The following TIPIN variants were observed in gnomAD, a reference collection of about 807,000 sequenced individuals.
TIPIN encodes TIMELESS interacting protein.
TIPIN carries 29 observed loss-of-function variants against 35.6 expected under a neutral mutation model. The ratio of observed to expected loss-of-function variants is 0.82; its 90% confidence interval spans 0.61 to 1.11. The LOEUF (loss-of-function observed/expected upper bound fraction) is 1.11, where lower values mean the gene tolerates loss of function less well. Among genes scored for constraint, TIPIN ranks in the 50% most tolerant of loss-of-function variants. The pLI is 0.00. For missense variants in TIPIN, 296 were observed against 345.4 expected, an observed-to-expected ratio of 0.86 and a Z score of 1.13; for synonymous variants, 102 against 121.5, an observed-to-expected ratio of 0.84 and a Z score of 1.06.
chr15:66,342,186 C>CAAAAGAAA (rs2093092523), intron 6 of TIPIN, among the ~76,000 whole-genome samples: 1 of 108,508 alleles, frequency 9.2e-6, no homozygotes, highest in East Asian at 3.0e-4. Flanking sequence ...AAGACTGTCT[C>CAAAAGAAA]AAAAAAAAAA....
chr15:66,347,046 C>T (rs544883194), intron 6 of TIPIN, among the ~76,000 whole-genome samples: 5 of 152,190 alleles, frequency 3.3e-5, no homozygotes, highest in East Asian at 1.9e-4. Flanking sequence ...CCACCCGCCT[C>T]GGCCTCTCAA....
intron 1 of TIPIN, chr15:66,371,421 C>A: frequency 2.1e-6 from 2 of 970,862 alleles, no homozygotes; most frequent in African/African-American, 1.8e-5. Context: ...CAAAAGAGGA[C>A]AAATAAAAAT....
intron 7 of TIPIN, among the ~76,000 whole-genome samples, chr15:66,339,418 C>G (rs903181584): frequency 5.3e-5 from 8 of 151,722 alleles, no homozygotes; most frequent in African/African-American, 1.9e-4. Context: ...GCCTATAATT[C>G]TTATTTTTCC....
At position 66,336,435 on chromosome 15, in the gene TIPIN, T is replaced by C. The variant is rs1437825272; in HGVS notation, c.*523A>G. On this transcript the variant is annotated 3_prime_UTR_variant, in exon 8 of 8. Coordinates refer to ENST00000261881, the MANE Select transcript of TIPIN (RefSeq NM_017858.3). ...CAAGCGTGGTGGCACACGCCTGTAG[T>C]CCCAGCTACTCGGGAGGCTAAGGCA... 6.5e-6 allele frequency: 1 copy of C among 154,904 alleles called. No individual in the cohort carries two copies. The highest frequency in any genetic ancestry group is 1.4e-5 in the Non-Finnish European group (1 of 69,868). 9.6% of individuals were successfully genotyped at this position (154,904 alleles called of 1,614,324 possible).
upstream of TIPIN, chr15:66,356,729 G>A (rs1405634888): frequency 7.1e-6 from 7 of 985,290 alleles, no homozygotes; most frequent in African/African-American, 1.7e-5. Flanking sequence ...GGGCGAGAAG[G>A]GCCCGCAGCG....
chr15:66,364,443 C>T (rs1042785455), intron 1 of TIPIN, among the ~76,000 whole-genome samples: 13 of 152,040 alleles, frequency 8.6e-5, no homozygotes, highest in African/African-American at 2.9e-4. Flanking sequence ...GCATTACAGG[C>T]ATAAGCCCAT....
rs148813972 is a variant in TIPIN at position 66,349,416 on chromosome 15, T to C, written c.310A>G (p.Ile104Val). 1.5e-4 allele frequency: 236 copies of C among 1,613,134 alleles called. No homozygotes were observed. In the African/African-American group the frequency reaches 2.9e-3, roughly 20 times the overall value. The change falls in exon 5 of 8, where the codon ATC (isoleucine) becomes GTC (valine). Residue 104 changes from isoleucine (I) to valine (V), a missense_variant. Physicochemically the swap from Ile to Val is conservative, Grantham distance 29. Coordinates refer to ENST00000261881, the MANE Select transcript of TIPIN (RefSeq NM_017858.3). ...GHEAEDLKMLIRHMEHWAHRL... is the reference protein window; with the variant it reads ...GHEAEDLKMLVRHMEHWAHRL... ...TGTGCCCAGTGCTCCATGTGTCTGATTAGCATCTTCAAGTCTTCAGCCTGC... is the reference window on the plus strand; with the variant it reads ...TGTGCCCAGTGCTCCATGTGTCTGACTAGCATCTTCAAGTCTTCAGCCTGC...
intron 1 of TIPIN, among the ~76,000 whole-genome samples, chr15:66,376,493 G>C (rs540271411): frequency 1.8e-4 from 27 of 151,790 alleles, no homozygotes; most frequent in African/African-American, 6.0e-4. Context: ...CCATGATGTG[G>C]TCTCGGCTCA....
chr15:66,363,874 C>T (rs1436830841), intron 1 of TIPIN, among the ~76,000 whole-genome samples: 3 of 5,226 alleles, frequency 5.7e-4, no homozygotes, highest in Non-Finnish European at 9.4e-3. Flanking sequence ...CCCAGCTACT[C>T]GGAGAGGCTG....
intron 1 of TIPIN, among the ~76,000 whole-genome samples, chr15:66,366,597 C>CAAAAA (rs757848258): frequency 3.3e-5 from 3 of 92,236 alleles, no homozygotes; most frequent in East Asian, 6.5e-4. Flanking sequence ...ACTAAATATA[C>CAAAAA]AAAAAAAAAA....
At chr15:66,376,674 C>G (rs1194990288) in intron 1 of TIPIN, among the ~76,000 whole-genome samples, 1 of 151,786 alleles carries the variant, frequency 6.6e-6, no homozygotes, top group East Asian at 2.0e-4. Flanking sequence ...AGTGACCCCC[C>G]CACTCTGGCC....
At chr15:66,366,766 CA>C (rs36031201) in intron 1 of TIPIN, 129,673 of 643,914 alleles carry the variant, frequency 0.2, no homozygotes, top group Middle Eastern at 0.22. Context: ...GACTCCATCT[CA>C]AAAAAAAAAA....
At chr15:66,359,154 A>AACACAC (rs538620517), upstream of TIPIN, among the ~76,000 whole-genome samples, 1 of 134,860 alleles carries the variant, frequency 7.4e-6, no homozygotes. Flanking sequence ...CCTGTCTCAA[A>AACACAC]ACACACACAC....
intron 1 of TIPIN, among the ~76,000 whole-genome samples, chr15:66,368,187 A>G (rs2093264810): frequency 6.6e-6 from 1 of 152,066 alleles, no homozygotes; most frequent in Non-Finnish European, 1.5e-5. Flanking sequence ...AATTTGGACT[A>G]TATACATCAT....
At chr15:66,367,244 C>A (rs1595813794) in intron 1 of TIPIN, among the ~76,000 whole-genome samples, 1 of 146,566 alleles carries the variant, frequency 6.8e-6, no homozygotes, top group African/African-American at 2.5e-5. Context: ...ATATCTATAT[C>A]TATCTATATA....
At position 66,336,822 on chromosome 15, in the gene TIPIN, C is replaced by A. The variant is rs1054832539; in HGVS notation, c.*136G>T. 2 of 648,294 alleles carry A rather than the reference C, an allele frequency of 3.1e-6. No individual in the cohort carries two copies. Among genetic ancestry groups the A allele is most frequent in the Non-Finnish European group, 5.2e-6 (2 of 386,994 alleles). 40.2% of individuals were successfully genotyped at this position (648,294 alleles called of 1,614,324 possible). Reference sequence around the variant, plus strand: ...GACAAGCATAATTATAAATAAATACCAGATTATCAGATTTTAAACAATAAT... The same window carrying A: ...GACAAGCATAATTATAAATAAATACAAGATTATCAGATTTTAAACAATAAT... On this transcript the variant is annotated 3_prime_UTR_variant, in exon 8 of 8. Coordinates refer to ENST00000261881, the MANE Select transcript of TIPIN (RefSeq NM_017858.3).
chr15:66,368,854 A>G (rs1362400395), intron 1 of TIPIN, among the ~76,000 whole-genome samples: 1 of 152,194 alleles, frequency 6.6e-6, no homozygotes, highest in Non-Finnish European at 1.5e-5. Context: ...AATTTTACCT[A>G]TCTACTCTTT....
At chr15:66,346,894 C>A (rs538694900) in intron 6 of TIPIN, among the ~76,000 whole-genome samples, 44 of 152,040 alleles carry the variant, frequency 2.9e-4, no homozygotes, top group Middle Eastern at 3.4e-3. Context: ...TAGGTTCACA[C>A]CATTCTCCTG....
Position 66,351,603 on chromosome 15 carries a change from G to T in TIPIN, c.213-3C>A. 2 of 1,584,458 alleles carry T rather than the reference G, an allele frequency of 1.3e-6. No homozygotes were observed. Among genetic ancestry groups the T allele is most frequent in the Non-Finnish European group, 1.7e-6 (2 of 1,165,020 alleles). ...GAAGTCCTCTCTCTGAAATTAATCT[G>T]TGAATAAAAGTATGTTTTTAATTTC... On this transcript the variant is annotated splice_polypyrimidine_tract_variant and splice_region_variant and intron_variant, in intron 3 of 7. Coordinates refer to ENST00000261881, the MANE Select transcript of TIPIN (RefSeq NM_017858.3).
Sources: allele counts gnomAD v4.1 joint callset (sites outside exome capture counted in the v4.1 genomes callset), GRCh38; gene constraint gnomAD v4.1.1; transcripts MANE v1.5; gene names NCBI Gene and HGNC (gene_info 2026-07-23, HGNC 2026-07-21).